Variants in LRRC4C observed in about 807,000 individuals in gnomAD.
The protein encoded by LRRC4C is leucine-rich repeat-containing protein 4C.
LRRC4C carries 5 observed loss-of-function variants against 33.6 expected under a neutral mutation model. The observed-to-expected ratio is 0.15, with a 90% CI of 0.08 to 0.31. LRRC4C has a LOEUF of 0.31. Ranked by LOEUF, LRRC4C falls within the 10% of genes least tolerant of loss-of-function variation. The probability of loss-of-function intolerance (pLI) is 1.00; values close to 1 mark genes in which losing one functional copy is unlikely to be tolerated. For synonymous variants in LRRC4C, 329 were observed against 302.0 expected, an observed-to-expected ratio of 1.09 and a Z score of -0.93; for missense variants, 560 against 796.7, an observed-to-expected ratio of 0.70 and a Z score of 3.58.
At chr11:41,231,492 C>T (rs1457790116) in intron 1 of LRRC4C, among the ~76,000 whole-genome samples, 1 of 151,230 alleles carries the variant, frequency 6.6e-6, no homozygotes, top group Non-Finnish European at 1.5e-5. Flanking sequence ...TGGAAACCAT[C>T]ATTCTCAGCA....
At chr11:40,792,881 A>G (rs1249705776) in intron 2 of LRRC4C, among the ~76,000 whole-genome samples, 1 of 152,010 alleles carries the variant, frequency 6.6e-6, no homozygotes, top group African/African-American at 2.4e-5. Context: ...GCAAACTATC[A>G]CAAGGACAAA....
At chr11:41,224,925 C>A (rs1947463584) in intron 1 of LRRC4C, among the ~76,000 whole-genome samples, 1 of 152,094 alleles carries the variant, frequency 6.6e-6, no homozygotes, top group Non-Finnish European at 1.5e-5. Flanking sequence ...TACTTATATG[C>A]AATGGAGTAC....
intron 2 of LRRC4C, among the ~76,000 whole-genome samples, chr11:40,824,979 T>C (rs1952096612): frequency 6.6e-6 from 1 of 151,964 alleles, no homozygotes; most frequent in Non-Finnish European, 1.5e-5. Context: ...AAGTGGCCAT[T>C]ACAGAGACCA....
At chr11:40,471,452 T>C (rs934014228) in intron 3 of LRRC4C, among the ~76,000 whole-genome samples, 6 of 152,150 alleles carry the variant, frequency 3.9e-5, no homozygotes, top group Non-Finnish European at 5.9e-5. Flanking sequence ...GTAAAGGCCA[T>C]TGACACTATG....
At chr11:41,066,407 T>A (rs997667981) in intron 1 of LRRC4C, among the ~76,000 whole-genome samples, 1 of 151,924 alleles carries the variant, frequency 6.6e-6, no homozygotes, top group Non-Finnish European at 1.5e-5. Flanking sequence ...CCAAGAAATA[T>A]GGGATTATGT....
intron 3 of LRRC4C, among the ~76,000 whole-genome samples, chr11:40,643,339 C>A (rs772183154): frequency 2.0e-5 from 3 of 152,224 alleles, no homozygotes; most frequent in Middle Eastern, 3.4e-3. Flanking sequence ...GCCATCAATG[C>A]CCTAATGAAT....
intron 3 of LRRC4C, among the ~76,000 whole-genome samples, chr11:40,540,642 T>C (rs769526516): frequency 2.0e-5 from 3 of 152,174 alleles, no homozygotes; most frequent in Non-Finnish European, 4.4e-5. Flanking sequence ...ATTTCAGTCC[T>C]TACTATTTAG....
chr11:41,029,956 G>C (rs1402977305), intron 1 of LRRC4C, among the ~76,000 whole-genome samples: 1 of 151,784 alleles, frequency 6.6e-6, no homozygotes, highest in Non-Finnish European at 1.5e-5. Flanking sequence ...TAACTCTTGG[G>C]AACCATCCAA....
intron 1 of LRRC4C, among the ~76,000 whole-genome samples, chr11:40,945,452 A>G (rs1958355603): frequency 6.6e-6 from 1 of 152,176 alleles, no homozygotes; most frequent in African/African-American, 2.4e-5. Flanking sequence ...AAAGCATGAT[A>G]ACATTTAAAT....
intron 3 of LRRC4C, among the ~76,000 whole-genome samples, chr11:40,588,704 A>G (rs1232233909): frequency 1.3e-5 from 2 of 152,144 alleles, no homozygotes; most frequent in South Asian, 2.1e-4. Context: ...TTCAAAGAAC[A>G]TCTTTATTTC....
chr11:40,998,002 C>T (rs1454372415), intron 1 of LRRC4C, among the ~76,000 whole-genome samples: 2 of 151,968 alleles, frequency 1.3e-5, no homozygotes, highest in African/African-American at 4.8e-5. Flanking sequence ...AACATTACTC[C>T]TAGCATCGTA....
chr11:40,895,002 TAATA>T (rs1209568988), intron 2 of LRRC4C, among the ~76,000 whole-genome samples: 4 of 152,304 alleles, frequency 2.6e-5, no homozygotes, highest in Non-Finnish European at 5.9e-5. Flanking sequence ...AGTATAATGT[TAATA>T]AATGTTTATT....
At chr11:40,410,385 A>G (rs1364377251) in intron 3 of LRRC4C, among the ~76,000 whole-genome samples, 2 of 152,090 alleles carry the variant, frequency 1.3e-5, no homozygotes, top group African/African-American at 4.8e-5. Context: ...AAAGTTTAAT[A>G]TGTAATTTAC....
intron 2 of LRRC4C, among the ~76,000 whole-genome samples, chr11:40,920,123 A>G (rs1177658243): frequency 6.6e-6 from 1 of 152,170 alleles, no homozygotes; most frequent in African/African-American, 2.4e-5. Context: ...TTGAACAAAA[A>G]TCAGGATCAT....
chr11:41,288,780 T>C (rs1479175542), intron 1 of LRRC4C, among the ~76,000 whole-genome samples: 1 of 152,148 alleles, frequency 6.6e-6, no homozygotes, highest in East Asian at 1.9e-4. Context: ...CTTAGGATCT[T>C]CCTCAAATGT....
chr11:40,684,555 G>C (rs559850160), intron 2 of LRRC4C, among the ~76,000 whole-genome samples: 6 of 151,894 alleles, frequency 4.0e-5, no homozygotes, highest in African/African-American at 1.4e-4. Flanking sequence ...TCTTGGCAGA[G>C]TAATAAACAA....
At chr11:41,246,547 C>T (rs983539461) in intron 1 of LRRC4C, among the ~76,000 whole-genome samples, 1 of 152,272 alleles carries the variant, frequency 6.6e-6, no homozygotes, top group Non-Finnish European at 1.5e-5. Flanking sequence ...TGGAAGCGGG[C>T]GGGGCTTCCA....
intron 1 of LRRC4C, among the ~76,000 whole-genome samples, chr11:41,164,756 C>T (rs1002573932): frequency 2.0e-5 from 3 of 152,112 alleles, no homozygotes; most frequent in Non-Finnish European, 1.5e-5. Flanking sequence ...GTAAAAGAGT[C>T]TTGGAACATG....
At chr11:40,496,121 C>T (rs948677975) in intron 3 of LRRC4C, among the ~76,000 whole-genome samples, 11 of 152,008 alleles carry the variant, frequency 7.2e-5, no homozygotes, top group Non-Finnish European at 4.4e-5. Flanking sequence ...TGAGCCACCA[C>T]GCCTGGCCAA....
Sources: gnomAD v4.1 joint callset for allele counts (sites outside exome capture counted in the v4.1 genomes callset) on GRCh38, gnomAD v4.1.1 for gene constraint, MANE v1.5 for transcripts, NCBI Gene and HGNC (gene_info 2026-07-23, HGNC 2026-07-21) for gene names.